CORO7: variants seen among roughly 807,000 people sequenced by gnomAD.
CORO7 encodes the protein coronin-7.
Under a neutral mutation model 126.6 loss-of-function variants are expected in CORO7, and 107 were observed. The ratio of observed to expected loss-of-function variants is 0.85; its 90% CI spans 0.72 to 0.99. CORO7 has a LOEUF of 0.99. CORO7 is among the 50% of genes least tolerant of loss of function. The pLI is 0.00. For missense variants in CORO7, 1,314 were observed against 1,255.8 expected, an observed-to-expected ratio of 1.05 and a Z score of -0.70; for synonymous variants, 603 against 536.8, an observed-to-expected ratio of 1.12 and a Z score of -1.70.
intron 8 of CORO7, 100 bp from the exon 9 acceptor site, chr16:4,388,168 G>C (rs988040798): frequency 1.4e-6 from 2 of 1,450,590 alleles, no homozygotes; most frequent in African/African-American, 2.8e-5. Context: ...GCCTGACACG[G>C]GGCACCTGCC....
intron 25 of CORO7, 43 bp downstream of exon 25, chr16:4,357,925 A>G (rs1179798391): frequency 1.3e-6 from 2 of 1,567,448 alleles, no homozygotes; most frequent in Admixed American, 1.8e-5. Flanking sequence ...CCTTTCTCCA[A>G]CCCCCATCCC....
At chr16:4,359,098 G>C in intron 23 of CORO7, 198 bp downstream of exon 23, 1 of 640,336 alleles carries the variant, frequency 1.6e-6, no homozygotes. Context: ...TAATGGTTGA[G>C]TATGACAATG....
Position 4,361,036 on chromosome 16 carries a change from A to G in CORO7, c.1824T>C (p.Asn608=), listed in dbSNP as rs1249078782. ...CSLRFHPLAA[N]VLASSSYDLT... is the part of the protein sequence containing the mutation. The stretch of plus-strand genomic sequence containing the variant: ...GGTCATAGGAGGACGAGGCCAGCAC[A>G]TTGGCTGCCAGTGGGTGGAAGCGCA... The change falls in exon 19 of 28, where the codon AAT becomes AAC. Residue 608 remains asparagine, a synonymous_variant. Transcript: ENST00000251166. 4 of 1,613,192 alleles carry G rather than the reference A, an allele frequency of 2.5e-6. No individual in the cohort carries two copies. Among genetic ancestry groups the G allele is most frequent in the Non-Finnish European group, 3.4e-6 (4 of 1,180,002 alleles).
At chr16:4,410,389 C>T (rs1304407499) in intron 3 of CORO7, among the ~76,000 whole-genome samples, 2 of 152,126 alleles carry the variant, frequency 1.3e-5, no homozygotes, top group Non-Finnish European at 2.9e-5. Flanking sequence ...TGCACCACCA[C>T]ACTCCAGCCT....
At chr16:4,367,505 C>T (rs985147593) in intron 9 of CORO7, among the ~76,000 whole-genome samples, 2 of 152,202 alleles carry the variant, frequency 1.3e-5, no homozygotes, top group African/African-American at 2.4e-5. Context: ...AAGGTGCTCA[C>T]AGCCTAGCAC....
At chr16:4,403,293 G>C (rs556979939) in intron 6 of CORO7, among the ~76,000 whole-genome samples, 1 of 152,304 alleles carries the variant, frequency 6.6e-6, no homozygotes, top group African/African-American at 2.4e-5. Flanking sequence ...CATACTGCCA[G>C]GGTTTCCAGT....
rs1427319507 is a variant in CORO7, at chr16:4,359,562, G to T, written c.2168C>A (p.Ala723Glu). ...GGGAGCCACGTCCAGGCCCAACACT[G>T]CCAAGGGTCCGCCGGCCAGGGCCTC... ...EAEALAGGPL[A>E]VLGLDVAPST... The change falls in exon 22 of 28, where the codon GCA becomes GAA. Residue 723 changes from alanine (A) to glutamate (E), a missense_variant. Ala to Glu is a moderately radical substitution (Grantham distance 107, BLOSUM62 -1). Transcript: ENST00000251166. 6.8e-6 allele frequency: 11 copies of T among 1,612,526 alleles called. No individual in the cohort carries two copies. Among genetic ancestry groups the T allele is most frequent in the Non-Finnish European group, 9.3e-6 (11 of 1,179,438 alleles).
At chr16:4,377,259 G>A (rs1301911339) in intron 9 of CORO7, among the ~76,000 whole-genome samples, 1 of 150,566 alleles carries the variant, frequency 6.6e-6, no homozygotes, top group Non-Finnish European at 1.5e-5. Flanking sequence ...GGCTGCCTCC[G>A]GAACACCTCC....
chr16:4,370,786 T>C (rs8182173), intron 9 of CORO7, among the ~76,000 whole-genome samples: 95,366 of 152,094 alleles, frequency 0.63, 32,448 homozygotes, highest in East Asian at 0.81. Context: ...CCAGCTGGTG[T>C]GGCCCAGCCT....
intron 1 of CORO7, among the ~76,000 whole-genome samples, chr16:4,414,668 A>G (rs1202142819): frequency 2.0e-5 from 3 of 152,104 alleles, no homozygotes; most frequent in African/African-American, 7.2e-5. Context: ...TCCCTAACAT[A>G]AACTGTTTTA....
At position 4,408,173 on chromosome 16, in the gene CORO7, C is replaced by T; in HGVS notation, c.303+8G>A. On this transcript the variant is annotated splice_region_variant and intron_variant, in intron 4 of 27. Transcript: ENST00000251166. ...CATAGAGCAGCTCTTCCAACTGGCT[C>T]CACTCACCGTCCTGTCAGCCGAGCC... 6.2e-7 allele frequency: 1 copy of T among 1,614,104 alleles called. No individual in the cohort carries two copies. The highest frequency in any genetic ancestry group is 1.1e-5 in the South Asian group (1 of 91,080).
chr16:4,392,529 A>T (rs1395074649), intron 7 of CORO7, among the ~76,000 whole-genome samples: 2 of 152,010 alleles, frequency 1.3e-5, no homozygotes, highest in African/African-American at 4.8e-5. Flanking sequence ...TGGAGGGCGG[A>T]CTCCCTGGCC....
rs578129417 is a variant in CORO7 at position 4,401,665 on chromosome 16, G to A, written c.564+3826C>T. 8.5e-5 allele frequency among the ~76,000 whole-genome samples: 13 copies of A among 152,258 alleles called. No homozygotes were observed. The South Asian group carries it at 1.5e-3, about 17-fold the overall frequency. ...CAGAAACAGAGCACAATGACAGAGC[G>A]GGCCAGAGAGAGCAAGTAGAGATCA... is the stretch of plus-strand genomic sequence containing the variant. On this transcript the variant is annotated intron_variant, in intron 6 of 27. Coordinates refer to ENST00000251166, the MANE Select transcript of CORO7 (RefSeq NM_024535.5).
intron 9 of CORO7, among the ~76,000 whole-genome samples, chr16:4,379,770 C>T (rs1285772986): frequency 6.6e-6 from 1 of 151,344 alleles, no homozygotes; most frequent in Admixed American, 6.6e-5. Context: ...AAGCCGGGCA[C>T]GGTGGCTCAT....
chr16:4,400,573 C>T (rs575678548), intron 6 of CORO7, among the ~76,000 whole-genome samples: 1 of 152,006 alleles, frequency 6.6e-6, no homozygotes, highest in African/African-American at 2.4e-5. Context: ...GCAGAGGTTG[C>T]GGTGAGCTGA....
At chr16:4,415,191 G>T (rs1056768893) in intron 1 of CORO7, among the ~76,000 whole-genome samples, 3 of 152,096 alleles carry the variant, frequency 2.0e-5, no homozygotes, top group Non-Finnish European at 4.4e-5. Flanking sequence ...ACTGCAATCA[G>T]AATAAAACCC....
At position 4,395,352 on chromosome 16, in the gene CORO7, A is replaced by G; in HGVS notation, c.565-13T>C. 3.7e-6 allele frequency: 6 copies of G among 1,614,016 alleles called. No individual in the cohort carries two copies. The highest frequency in any genetic ancestry group is 5.1e-6 in the Non-Finnish European group (6 of 1,180,006). ...GCAGCTGCTTGTCCTGGAAAAGCAG[A>G]GAGGAGGAAACAACTTGCGATTAGG... On this transcript the variant is annotated splice_polypyrimidine_tract_variant and intron_variant, in intron 6 of 27. Transcript: ENST00000251166.
At chr16:4,408,059 TG>T (rs2056071383) in intron 4 of CORO7, 121 bp downstream of exon 4, 4 of 1,451,394 alleles carry the variant, frequency 2.8e-6, no homozygotes, top group East Asian at 2.3e-5. Context: ...CCCGCAGCCC[TG>T]GGGAGTGGGG....
At chr16:4,370,633 G>A (rs1322052469) in intron 9 of CORO7, among the ~76,000 whole-genome samples, 2 of 152,202 alleles carry the variant, frequency 1.3e-5, no homozygotes, top group African/African-American at 4.8e-5. Flanking sequence ...CCTGGAAAGG[G>A]GCCCTGTGGG....
Sources: gnomAD v4.1 joint callset for allele counts (sites outside exome capture counted in the v4.1 genomes callset) on GRCh38, gnomAD v4.1.1 for gene constraint, MANE v1.5 for transcripts, NCBI Gene and HGNC (gene_info 2026-07-23, HGNC 2026-07-21) for gene names.